The following ZDHHC11 variants were observed in gnomAD, a reference collection of about 807,000 sequenced individuals.
ZDHHC11 encodes the protein palmitoyltransferase ZDHHC11.
In ZDHHC11, 44 loss-of-function variants were observed where a neutral mutation model predicts 51.3. The observed-to-expected ratio is 0.86, with a 90% CI of 0.67 to 1.10. The LOEUF (loss-of-function observed/expected upper bound fraction) is 1.10. ZDHHC11 is among the 50% of genes least tolerant of loss of function. The probability of loss-of-function intolerance (pLI) is 0.00; values close to 1 mark genes in which losing one functional copy is unlikely to be tolerated. For synonymous variants in ZDHHC11, 163 were observed against 222.0 expected, an observed-to-expected ratio of 0.73 and a Z score of 2.36; for missense variants, 400 against 537.7, an observed-to-expected ratio of 0.74 and a Z score of 2.53.
chr5:818,564 T>C (rs1181786283), intron 10 of ZDHHC11, among the ~76,000 whole-genome samples: 1 of 151,642 alleles, frequency 6.6e-6, no homozygotes, highest in Non-Finnish European at 1.5e-5. Flanking sequence ...CCTTCTCAGA[T>C]GGATTCCCCC....
At chr5:803,028 A>AT (rs890928110) in intron 11 of ZDHHC11, among the ~76,000 whole-genome samples, 5 of 149,946 alleles carry the variant, frequency 3.3e-5, no homozygotes, top group African/African-American at 1.2e-4. Context: ...CTCAAAAAAA[A>AT]AAAAGAAAAA....
chr5:819,045 C>G lies in ZDHHC11; in HGVS notation c.1146+480G>C, dbSNP rs562435576. ...CATATACATGACCACACACCACACACAAAACCACACCAACACATACGTGCA... is the reference window on the plus strand; with the variant it reads ...CATATACATGACCACACACCACACAGAAAACCACACCAACACATACGTGCA... On this transcript the variant is annotated intron_variant, in intron 10 of 12. Coordinates refer to ENST00000283441, the MANE Select transcript of ZDHHC11 (RefSeq NM_024786.3). Among the ~76,000 whole-genome samples, 64 of 151,678 alleles carry G rather than the reference C, an allele frequency of 4.2e-4. 2 individuals are homozygous for G. Among genetic ancestry groups the G allele is most frequent in the Non-Finnish European group, 7.5e-4 (51 of 67,714 alleles).
chr5:858,319 T>C (rs1748569456), intron 1 of ZDHHC11, among the ~76,000 whole-genome samples: 1 of 151,292 alleles, frequency 6.6e-6, no homozygotes, highest in South Asian at 2.1e-4. Context: ...CCTGTCTTTA[T>C]GACACCAGGC....
chr5:807,116 G>A lies in ZDHHC11; in HGVS notation c.1182-5952C>T, dbSNP rs1307270843. Among the ~76,000 whole-genome samples the A allele has an allele frequency of 6.6e-5, 10 of 150,748 alleles. No homozygotes were observed. The East Asian group carries it at 1.7e-3, about 26-fold the overall frequency. ...AGGGGGTAATTAAGTGTGGTACGGGGTGGAACAGCCACAGAAGCAAACGCC... is the reference window on the plus strand; with the variant it reads ...AGGGGGTAATTAAGTGTGGTACGGGATGGAACAGCCACAGAAGCAAACGCC... On this transcript the variant is annotated intron_variant, in intron 11 of 12. Transcript: ENST00000283441.
At chr5:841,632 G>A in intron 4 of ZDHHC11, 3 of 992,916 alleles carry the variant, frequency 3.0e-6, no homozygotes, top group Non-Finnish European at 3.6e-6. Flanking sequence ...TGGACCCGCT[G>A]CACCCTAAAA....
intron 8 of ZDHHC11, chr5:823,970 T>G (rs1448549563): frequency 2.3e-6 from 1 of 433,064 alleles, no homozygotes; most frequent in African/African-American, 2.0e-5. Context: ...TTGCTGGAAG[T>G]GCAGGCAAGG....
intron 8 of ZDHHC11, chr5:823,601 G>A (rs562524868): frequency 3.6e-5 from 6 of 166,848 alleles, no homozygotes; most frequent in African/African-American, 1.2e-4. Flanking sequence ...GAAGTCACGT[G>A]CATTTTCAGA....
intron 1 of ZDHHC11, among the ~76,000 whole-genome samples, chr5:849,418 G>A (rs1334395629): frequency 1.3e-5 from 2 of 152,128 alleles, no homozygotes; most frequent in African/African-American, 4.8e-5. Context: ...AGGAGCCTGG[G>A]TTCTTTCATA....
intron 11 of ZDHHC11, among the ~76,000 whole-genome samples, chr5:810,735 T>C (rs1371673183): frequency 1.3e-5 from 2 of 151,428 alleles, no homozygotes; most frequent in African/African-American, 4.9e-5. Context: ...TTATCGCCTG[T>C]TGCATCTAGA....
At chr5:858,834 C>G (rs1748635247) in intron 1 of ZDHHC11, among the ~76,000 whole-genome samples, 1 of 151,972 alleles carries the variant, frequency 6.6e-6, no homozygotes, top group Admixed American at 6.6e-5. Context: ...TTGCATCTGC[C>G]TTTTGGGAAC....
chr5:856,103 G>C (rs984558757), intron 1 of ZDHHC11, among the ~76,000 whole-genome samples: 22 of 152,146 alleles, frequency 1.4e-4, no homozygotes, highest in Admixed American at 1.2e-3. Flanking sequence ...GCTCAGCCTC[G>C]ATACCACCGT....
chr5:815,411 G>A (rs1272027284), intron 10 of ZDHHC11, among the ~76,000 whole-genome samples: 1 of 151,356 alleles, frequency 6.6e-6, no homozygotes, highest in Admixed American at 6.6e-5. Flanking sequence ...GAACCTGGGA[G>A]TGGGAGTGCT....
At chr5:855,071 C>G (rs1364385452), upstream of ZDHHC11, among the ~76,000 whole-genome samples, 1 of 140,284 alleles carries the variant, frequency 7.1e-6, no homozygotes, top group African/African-American at 2.8e-5. Flanking sequence ...ACAGACCCCA[C>G]AGAGGACAGC....
intron 6 of ZDHHC11, 69 bp downstream of exon 6, chr5:837,296 T>A: frequency 1.3e-6 from 2 of 1,567,560 alleles, no homozygotes; most frequent in Non-Finnish European, 1.8e-6. Flanking sequence ...GGCTGAGAGG[T>A]CCCAACCACC....
intron 9 of ZDHHC11, chr5:821,218 C>T (rs1741518044): frequency 6.6e-6 from 1 of 151,498 alleles, no homozygotes; most frequent in Non-Finnish European, 1.5e-5. Context: ...GGTCCCCTGC[C>T]CACACTCTCC....
chr5:843,956 TGGGGGG>T (rs1745622273), intron 3 of ZDHHC11, among the ~76,000 whole-genome samples: 1 of 60,086 alleles, frequency 1.7e-5, no homozygotes, highest in African/African-American at 2.1e-4. Flanking sequence ...GCAGGGCAGG[TGGGGGG>T]TGCAGAGGCA....
chr5:819,375 C>T, intron 10 of ZDHHC11, 150 bp downstream of exon 10: 4 of 785,276 alleles, frequency 5.1e-6, no homozygotes, highest in Non-Finnish European at 4.2e-6. Flanking sequence ...CTTCTGTGCT[C>T]CACCCACCAT....
At chr5:816,241 A>C in intron 10 of ZDHHC11, 1 of 242,802 alleles carries the variant, frequency 4.1e-6, no homozygotes, top group South Asian at 5.1e-5. Context: ...AGTCACATTT[A>C]TTCTTCTTTT....
intron 1 of ZDHHC11, among the ~76,000 whole-genome samples, chr5:856,440 A>G (rs1748255771): frequency 6.6e-6 from 1 of 151,288 alleles, no homozygotes; most frequent in South Asian, 2.1e-4. Flanking sequence ...AACACACATC[A>G]TACAGATTAC....
Sources: gnomAD v4.1 joint callset for allele counts (sites outside exome capture counted in the v4.1 genomes callset) on GRCh38, gnomAD v4.1.1 for gene constraint, MANE v1.5 for transcripts, NCBI Gene and HGNC (gene_info 2026-07-23, HGNC 2026-07-21) for gene names.